EBF2: variants seen among roughly 807,000 people sequenced by gnomAD.
EBF2 encodes the protein transcription factor COE2.
In EBF2, 21 loss-of-function variants were observed where a neutral mutation model predicts 72.8. The ratio of observed to expected loss-of-function variants is 0.29; its 90% confidence interval spans 0.20 to 0.42. The LOEUF is 0.42. Among genes scored for constraint, EBF2 ranks in the 10% least tolerant of loss-of-function variants. The pLI, the probability that EBF2 is intolerant of heterozygous loss-of-function variation, is 1.00. For synonymous variants in EBF2, 299 were observed against 274.2 expected (o/e 1.09, Z -0.89); for missense variants, 637 against 731.2 (o/e 0.87, Z 1.49).
At chr8:25,973,804 T>G (rs1306659900) in intron 6 of EBF2, among the ~76,000 whole-genome samples, 1 of 152,056 alleles carries the variant, frequency 6.6e-6, no homozygotes, top group Non-Finnish European at 1.5e-5. Context: ...GCCTCCCTAG[T>G]AGCTGGGACA....
rs187118777 is a variant in EBF2, at chr8:25,935,372, C to T, written c.552-26817G>A. On this transcript the variant is annotated intron_variant, in intron 6 of 15. Transcript: ENST00000520164. ...CAACATGGGGTTCCCTTAGAGAATT[C>T]CCTGTTTACACTGGGAATTCCTCCA... is the stretch of plus-strand genomic sequence containing the variant. Among the ~76,000 whole-genome samples, 85 of 152,258 alleles carry T rather than the reference C, an allele frequency of 5.6e-4. 1 individual carries two copies. Among genetic ancestry groups the T allele is most frequent in the Admixed American group, 5.0e-3 (77 of 15,292 alleles).
chr8:25,878,822 C>T (rs747541232), intron 10 of EBF2, among the ~76,000 whole-genome samples: 3 of 152,136 alleles, frequency 2.0e-5, no homozygotes, highest in Non-Finnish European at 4.4e-5. Flanking sequence ...TGAGTCCCTC[C>T]CCTCCTCACT....
rs1406078755 is a variant in EBF2 at position 25,944,656 on chromosome 8, CAT to C, written c.552-36103_552-36102del. On this transcript the variant is annotated intron_variant, in intron 6 of 15. Coordinates refer to ENST00000520164, the MANE Select transcript of EBF2 (RefSeq NM_022659.4). ...ATTATATAATTATATATGATATTAA[CAT>C]ATAATTACATATTGTATATTATATA... is the stretch of plus-strand genomic sequence containing the variant. Among the ~76,000 whole-genome samples the C allele has an allele frequency of 9.6e-5, 14 of 146,590 alleles. 1 individual carries two copies. The highest frequency in any genetic ancestry group is 3.5e-4 in the African/African-American group (14 of 40,164).
At position 26,042,231 on chromosome 8, in the gene EBF2, G is replaced by C. The variant is rs762115850; in HGVS notation, c.152C>G (p.Ala51Gly). 6.2e-7 allele frequency: 1 copy of C among 1,613,892 alleles called. No individual in the cohort carries two copies. Among genetic ancestry groups the C allele is most frequent in the South Asian group, 1.1e-5 (1 of 91,054 alleles). ...GGAAGGAGGCTGTTTCTCAAAGTGGGCCCGGGACAGGGCGACCCCGCTGCA... is the reference window on the plus strand; with the variant it reads ...GGAAGGAGGCTGTTTCTCAAAGTGGCCCCGGGACAGGGCGACCCCGCTGCA... Reference protein sequence around the residue: ...AAQSGVALSRAHFEKQPPSNL... With the variant: ...AAQSGVALSRGHFEKQPPSNL... Residue 51 changes from alanine to glycine, a missense_variant, in exon 2 of 16, where the codon GCC becomes GGC. Around this residue, in one of 3 missense-constraint regions of EBF2, gnomAD observed 174 missense variants for 161.9 expected, o/e 1.07. Coordinates refer to ENST00000520164, the MANE Select transcript of EBF2 (RefSeq NM_022659.4).
intron 13 of EBF2, among the ~76,000 whole-genome samples, chr8:25,860,173 TTCAATAA>T (rs1802187097): frequency 6.6e-6 from 1 of 152,170 alleles, no homozygotes; most frequent in Non-Finnish European, 1.5e-5. Flanking sequence ...GACTTAGCAC[TTCAATAA>T]TCAATCTCAA....
chr8:26,019,382 T>G (rs1170894042), intron 6 of EBF2, among the ~76,000 whole-genome samples: 1 of 152,144 alleles, frequency 6.6e-6, no homozygotes, highest in Admixed American at 6.5e-5. Context: ...GAAAACGCTC[T>G]GAAGAGACCA....
intron 6 of EBF2, among the ~76,000 whole-genome samples, chr8:25,909,303 T>C (rs1000473549): frequency 6.6e-6 from 1 of 152,208 alleles, no homozygotes; most frequent in African/African-American, 2.4e-5. Flanking sequence ...CCAAGAAAAA[T>C]GGCAGAAGTG....
chr8:25,858,810 G>T (rs1404039047), intron 13 of EBF2, among the ~76,000 whole-genome samples: 1 of 151,720 alleles, frequency 6.6e-6, no homozygotes, highest in African/African-American at 2.4e-5. Context: ...CAGGCACCCT[G>T]CCATTGCGCC....
chr8:25,849,171 C>A (rs1022632336), intron 15 of EBF2, among the ~76,000 whole-genome samples: 4 of 152,136 alleles, frequency 2.6e-5, no homozygotes, highest in African/African-American at 9.7e-5. Context: ...GTATATAGAC[C>A]CCGCTGCTTT....
intron 6 of EBF2, among the ~76,000 whole-genome samples, chr8:25,914,323 A>G (rs970267148): frequency 6.6e-6 from 1 of 152,224 alleles, no homozygotes; most frequent in African/African-American, 2.4e-5. Flanking sequence ...AACAGAGAAT[A>G]TTCTTTCCTC....
chr8:25,859,414 G>A (rs372532553), intron 13 of EBF2, among the ~76,000 whole-genome samples: 3 of 152,164 alleles, frequency 2.0e-5, no homozygotes, highest in East Asian at 1.9e-4. Flanking sequence ...CTAGGTGCAA[G>A]TGGGGATCAA....
chr8:25,960,511 G>A (rs1804018647), intron 6 of EBF2, among the ~76,000 whole-genome samples: 1 of 152,128 alleles, frequency 6.6e-6, no homozygotes, highest in Non-Finnish European at 1.5e-5. Context: ...ATTGAATGAG[G>A]GATTAAAATT....
At chr8:26,001,017 G>A (rs1298611997) in intron 6 of EBF2, among the ~76,000 whole-genome samples, 1 of 152,228 alleles carries the variant, frequency 6.6e-6, no homozygotes, top group African/African-American at 2.4e-5. Flanking sequence ...ATAAGCTTGA[G>A]ATACAATGCA....
chr8:25,943,589 A>G (rs1803716340), intron 6 of EBF2, among the ~76,000 whole-genome samples: 1 of 151,948 alleles, frequency 6.6e-6, no homozygotes, highest in South Asian at 2.1e-4. Context: ...TCTCTATACC[A>G]CCCTGCTAGC....
intron 6 of EBF2, among the ~76,000 whole-genome samples, chr8:25,952,575 T>C (rs1053416541): frequency 6.6e-6 from 1 of 152,132 alleles, no homozygotes; most frequent in Admixed American, 6.5e-5. Context: ...TACAAATCAC[T>C]TCACCTTCTG....
intron 6 of EBF2, among the ~76,000 whole-genome samples, chr8:25,924,383 A>C (rs1036763246): frequency 4.6e-5 from 7 of 152,224 alleles, no homozygotes; most frequent in Non-Finnish European, 8.8e-5. Context: ...TCCTCCCCAG[A>C]GCTCAGGCAA....
intron 6 of EBF2, among the ~76,000 whole-genome samples, chr8:25,963,386 A>T (rs1019829307): frequency 6.6e-6 from 1 of 152,182 alleles, no homozygotes; most frequent in African/African-American, 2.4e-5. Context: ...CATTTTTAAC[A>T]TAAAGGCAGT....
chr8:25,899,309 T>C (rs1311420045), intron 7 of EBF2, among the ~76,000 whole-genome samples: 1 of 152,062 alleles, frequency 6.6e-6, no homozygotes, highest in Non-Finnish European at 1.5e-5. Flanking sequence ...GTTTGTTTTA[T>C]CATCAGATAA....
At chr8:25,970,350 C>T (rs983222275) in intron 6 of EBF2, among the ~76,000 whole-genome samples, 5 of 151,780 alleles carry the variant, frequency 3.3e-5, no homozygotes, top group Non-Finnish European at 7.4e-5. Context: ...GAGCATGTGT[C>T]GGTCTCGGAG....
Sources: allele counts gnomAD v4.1 joint callset (sites outside exome capture counted in the v4.1 genomes callset), GRCh38; gene constraint gnomAD v4.1.1; regional missense constraint gnomAD v4.1.1; transcripts MANE v1.5; gene names NCBI Gene and HGNC (gene_info 2026-07-23, HGNC 2026-07-21).